SMAD2: variants seen among roughly 807,000 people sequenced by gnomAD.
SMAD2 encodes the protein MAD homolog 2.
A neutral mutation model predicts 64.4 loss-of-function variants in SMAD2; 8 were observed. The observed-to-expected ratio is 0.12, with a 90% CI of 0.07 to 0.22. The LOEUF (loss-of-function observed/expected upper bound fraction) is 0.22. Ranked by LOEUF, SMAD2 falls within the 10% of genes least tolerant of loss-of-function variation. The pLI is 1.00. For synonymous variants in SMAD2, 203 were observed against 195.8 expected (o/e 1.04, Z -0.31); for missense variants, 289 against 561.2 (o/e 0.51, Z 4.90).
intron 10 of SMAD2, among the ~76,000 whole-genome samples, chr18:47,843,513 T>C (rs1914176649): frequency 6.6e-6 from 1 of 152,208 alleles, no homozygotes; most frequent in African/African-American, 2.4e-5. Flanking sequence ...TTACTACATT[T>C]CCTCATTTTT....
chr18:47,868,995 C>G (rs2031765912), intron 4 of SMAD2, among the ~76,000 whole-genome samples: 1 of 152,116 alleles, frequency 6.6e-6, no homozygotes, highest in Non-Finnish European at 1.5e-5. Context: ...GAGCAGACTG[C>G]CAATCTACAG....
rs2144288086 is a variant in SMAD2, at chr18:47,845,462, G to A, written c.1158C>T (p.Asn386=). 1 of 1,613,582 alleles carries A rather than the reference G, an allele frequency of 6.2e-7. No individual in the cohort carries two copies. The highest frequency in any genetic ancestry group is 8.5e-7 in the Non-Finnish European group (1 of 1,179,600). Residue 386 remains asparagine (N), a synonymous_variant, in exon 10 of 11, where the codon AAC becomes AAT. Coordinates refer to ENST00000262160, the MANE Select transcript of SMAD2 (RefSeq NM_005901.6). ...IPPGCNLKIF[N]NQEFAALLAQ... ...CCAGAAGAGCAGCAAATTCCTGGTT[G>A]TTGAAGATCTTCAGATTACAGCCTA... is the stretch of plus-strand genomic sequence containing the variant.
chr18:47,872,269 T>C (rs1331163299), intron 2 of SMAD2, among the ~76,000 whole-genome samples: 17 of 152,180 alleles, frequency 1.1e-4, no homozygotes, highest in African/African-American at 2.4e-4. Context: ...AGTAAAATCA[T>C]TGCCTGTTTA....
chr18:47,845,037 C>G (rs1254949406), intron 10 of SMAD2: 1 of 566,958 alleles, frequency 1.8e-6, no homozygotes, highest in Non-Finnish European at 3.1e-6. Context: ...CCTTGAGCAC[C>G]GTGTGCAAAC....
At chr18:47,922,704 A>C (rs1462948538) in intron 1 of SMAD2, 1 of 152,244 alleles carries the variant, frequency 6.6e-6, no homozygotes, top group Non-Finnish European at 1.5e-5. Context: ...GGAATTGTAT[A>C]ACTGTTTTAG....
At chr18:47,911,808 T>C (rs2034147131) in intron 1 of SMAD2, among the ~76,000 whole-genome samples, 1 of 152,226 alleles carries the variant, frequency 6.6e-6, no homozygotes, top group African/African-American at 2.4e-5. Flanking sequence ...CACTGTAGTA[T>C]GTAACTTGAT....
At chr18:47,922,754 C>T (rs975561570) in intron 1 of SMAD2, 1 of 152,198 alleles carries the variant, frequency 6.6e-6, no homozygotes, top group African/African-American at 2.4e-5. Flanking sequence ...TAATAGAAAA[C>T]CTCAAAAAAA....
At chr18:47,851,684 C>T (rs1172834515) in intron 6 of SMAD2, among the ~76,000 whole-genome samples, 1 of 151,962 alleles carries the variant, frequency 6.6e-6, no homozygotes, top group Non-Finnish European at 1.5e-5. Flanking sequence ...AAGTGGTAAC[C>T]GTTTTTCATC....
chr18:47,929,942 G>T (rs1037164221), intron 1 of SMAD2, among the ~76,000 whole-genome samples: 3 of 152,012 alleles, frequency 2.0e-5, no homozygotes, highest in Non-Finnish European at 2.9e-5. Context: ...GTACACACAA[G>T]CCATGGAAAA....
At chr18:47,871,869 A>G (rs527841839) in intron 2 of SMAD2, among the ~76,000 whole-genome samples, 65 of 124,428 alleles carry the variant, frequency 5.2e-4, no homozygotes, top group African/African-American at 1.8e-3. Flanking sequence ...AATCACCTCA[A>G]TTCTACAGAC....
At chr18:47,887,575 C>T (rs1336156723) in intron 2 of SMAD2, among the ~76,000 whole-genome samples, 1 of 152,168 alleles carries the variant, frequency 6.6e-6, no homozygotes, top group Non-Finnish European at 1.5e-5. Context: ...TTGATCCTTT[C>T]AAGGTAAGCC....
rs1168914953 is a variant in SMAD2, at chr18:47,822,217, C to G, written c.*19610G>C. ...GTTTGCCACAAAAATAACCAAAACT[C>G]TTTGTCTATTTCTGGTTATGGTAAA... On this transcript the variant is annotated 3_prime_UTR_variant, in exon 11 of 11. Coordinates refer to ENST00000262160, the MANE Select transcript of SMAD2 (RefSeq NM_005901.6). 2 of 152,186 alleles carry G rather than the reference C, an allele frequency of 1.3e-5. No individual in the cohort carries two copies. The highest frequency in any genetic ancestry group is 6.5e-5 in the Admixed American group (1 of 15,270). 9.4% of individuals were successfully genotyped at this position (152,186 alleles called of 1,614,324 possible).
intron 2 of SMAD2, among the ~76,000 whole-genome samples, chr18:47,871,002 G>A (rs1054601430): frequency 6.6e-6 from 1 of 152,078 alleles, no homozygotes; most frequent in African/African-American, 2.4e-5. Context: ...TGCATCCACA[G>A]TTAAGATTTT....
chr18:47,821,679 G>A lies in SMAD2; in HGVS notation c.*20148C>T, dbSNP rs1372631717. On this transcript the variant is annotated 3_prime_UTR_variant, in exon 11 of 11. Transcript: ENST00000262160. ...TCCCATAAGTAAAGGCAGTCACACT[G>A]CAAGAGATTTTTCTTTACCATTTTG... 1.3e-5 allele frequency: 2 copies of A among 152,082 alleles called. No individual in the cohort carries two copies. Among genetic ancestry groups the A allele is most frequent in the Non-Finnish European group, 1.5e-5 (1 of 68,034 alleles). The allele number at this position is 152,082 out of a possible 1,614,324, so 9.4% of individuals were successfully genotyped here.
rs1158843400 is a variant in SMAD2, at chr18:47,885,124, T to C, written c.236+11397A>G. 5.0e-5 allele frequency among the ~76,000 whole-genome samples: 7 copies of C among 141,170 alleles called. No homozygotes were observed. The Admixed American group carries it at 5.4e-4, about 11-fold the overall frequency. The allele number at this position is 141,170 out of a possible 152,430, so 92.6% of individuals were successfully genotyped here. On this transcript the variant is annotated intron_variant, in intron 2 of 10. Coordinates refer to ENST00000262160, the MANE Select transcript of SMAD2 (RefSeq NM_005901.6). Reference sequence around the variant, plus strand: ...ACATAGCTTATCGATTTTCTAGATTTAGTCATATACACACACACACACACA... The same window carrying C: ...ACATAGCTTATCGATTTTCTAGATTCAGTCATATACACACACACACACACA...
intron 1 of SMAD2, among the ~76,000 whole-genome samples, chr18:47,924,944 C>T (rs545395660): frequency 6.5e-4 from 99 of 152,274 alleles, no homozygotes; most frequent in African/African-American, 2.2e-3. Flanking sequence ...ATGCTACTTC[C>T]TCAGATCAAG....
At chr18:47,878,991 C>T (rs1023512287) in intron 2 of SMAD2, among the ~76,000 whole-genome samples, 2 of 152,134 alleles carry the variant, frequency 1.3e-5, no homozygotes, top group African/African-American at 2.4e-5. Flanking sequence ...AAAATATTAG[C>T]TGGGTGTGCT....
At chr18:47,928,425 A>G (rs2034854907) in intron 1 of SMAD2, among the ~76,000 whole-genome samples, 1 of 152,232 alleles carries the variant, frequency 6.6e-6, no homozygotes, top group African/African-American at 2.4e-5. Flanking sequence ...CATGATTCTA[A>G]TATTTACAAT....
chr18:47,838,407 C>T lies in SMAD2; in HGVS notation c.*3420G>A, dbSNP rs1913638926. On this transcript the variant is annotated 3_prime_UTR_variant, in exon 11 of 11. Transcript: ENST00000262160. ...AACACAACCTCTACAAGACCAAGCA[C>T]AGCTCAAGGGTCAGGGCCCCGTCCT... is the stretch of plus-strand genomic sequence containing the variant. The T allele has an allele frequency of 1.7e-5, 4 of 233,206 alleles. No homozygotes were observed. The South Asian group carries it at 5.4e-4, about 32-fold the overall frequency. 14.4% of individuals were successfully genotyped at this position (233,206 alleles called of 1,614,324 possible).
Sources: gnomAD v4.1 joint callset for allele counts (sites outside exome capture counted in the v4.1 genomes callset) on GRCh38, gnomAD v4.1.1 for gene constraint, MANE v1.5 for transcripts, NCBI Gene and HGNC (gene_info 2026-07-23, HGNC 2026-07-21) for gene names.